The following CDH18 variants were observed in gnomAD, a reference collection of about 807,000 sequenced individuals.
The protein encoded by CDH18 is cadherin-18.
CDH18 carries 31 observed loss-of-function variants against 67.9 expected under a neutral mutation model. The ratio of observed to expected loss-of-function variants is 0.46; its 90% CI spans 0.34 to 0.62. The LOEUF is 0.62. Ranked by LOEUF, CDH18 falls within the 20% of genes least tolerant of loss-of-function variation. The pLI is 0.01. For synonymous variants in CDH18, 362 were observed against 347.2 expected (o/e 1.04, Z -0.48); for missense variants, 890 against 975.5 (o/e 0.91, Z 1.17).
chr5:19,778,743 T>C (rs1448938418), intron 3 of CDH18, among the ~76,000 whole-genome samples: 2 of 152,018 alleles, frequency 1.3e-5, no homozygotes, highest in Non-Finnish European at 1.5e-5. Flanking sequence ...CACAAAACCA[T>C]AATAAAAAAA....
Position 19,580,398 on chromosome 5 carries a change from A to G in CDH18, c.1000-8566T>C, listed in dbSNP as rs1248756494. On this transcript the variant is annotated intron_variant, in intron 7 of 12. Transcript: ENST00000382275. ...ACATCTTGTATTATAACAATATATC[A>G]TGTCTACCCAGTTTTCCCTAAGAGA... Among the ~76,000 whole-genome samples the G allele has an allele frequency of 5.3e-5, 8 of 151,968 alleles. No homozygotes were observed. In the South Asian group the frequency reaches 1.7e-3, roughly 31 times the overall value.
intron 4 of CDH18, among the ~76,000 whole-genome samples, chr5:19,738,224 T>C (rs2150681537): frequency 6.6e-6 from 1 of 152,252 alleles, no homozygotes; most frequent in African/African-American, 2.4e-5. Context: ...TCAGGTGATT[T>C]CAAACTAATT....
intron 2 of CDH18, among the ~76,000 whole-genome samples, chr5:19,965,364 A>C (rs1281371903): frequency 6.6e-6 from 1 of 152,156 alleles, no homozygotes; most frequent in Non-Finnish European, 1.5e-5. Flanking sequence ...GATTTTCTCC[A>C]CAATTCTGAC....
At chr5:20,303,513 A>G (rs2149972422) in intron 1 of CDH18, among the ~76,000 whole-genome samples, 1 of 152,324 alleles carries the variant, frequency 6.6e-6, no homozygotes, top group Admixed American at 6.5e-5. Context: ...TAGTACTCAC[A>G]TTTTAGCTTC....
chr5:20,254,869 C>A (rs777035674), intron 2 of CDH18, among the ~76,000 whole-genome samples: 16 of 147,662 alleles, frequency 1.1e-4, no homozygotes, highest in Non-Finnish European at 2.0e-4. Flanking sequence ...AGCCTAGGTG[C>A]CCATTAATGA....
chr5:19,948,984 T>C (rs948546232), intron 2 of CDH18, among the ~76,000 whole-genome samples: 3 of 152,144 alleles, frequency 2.0e-5, no homozygotes. Context: ...CTCTAAACAA[T>C]AGATCAACTT....
intron 2 of CDH18, among the ~76,000 whole-genome samples, chr5:19,877,822 C>T (rs116251237): frequency 3.1e-3 from 474 of 152,232 alleles, no homozygotes; most frequent in African/African-American, 0.011. Flanking sequence ...CTACCTACTT[C>T]ACTTAAGATC....
chr5:19,889,816 C>G (rs72740863), intron 2 of CDH18, among the ~76,000 whole-genome samples: 4,931 of 152,212 alleles, frequency 0.032, 118 homozygotes, highest in Non-Finnish European at 0.051. Context: ...AATGCATTAT[C>G]TAATAACAAT....
At chr5:19,866,547 T>C (rs1219816643) in intron 2 of CDH18, among the ~76,000 whole-genome samples, 2 of 152,154 alleles carry the variant, frequency 1.3e-5, no homozygotes, top group Admixed American at 1.3e-4. Flanking sequence ...CGAACCTATC[T>C]GGTACGAAGT....
At chr5:19,925,774 C>T (rs11951930) in intron 2 of CDH18, among the ~76,000 whole-genome samples, 109,191 of 152,090 alleles carry the variant, frequency 0.72, 45,625 homozygotes, top group Non-Finnish European at 0.93. Context: ...TGGATACTCA[C>T]GACAATTGAG....
At chr5:20,008,430 T>A (rs1461597802) in intron 2 of CDH18, among the ~76,000 whole-genome samples, 1 of 152,168 alleles carries the variant, frequency 6.6e-6, no homozygotes, top group South Asian at 2.1e-4. Context: ...TGAAAAATTA[T>A]GAGAGCTGGT....
At chr5:20,444,652 A>C (rs1454930527) in intron 1 of CDH18, among the ~76,000 whole-genome samples, 2 of 152,246 alleles carry the variant, frequency 1.3e-5, no homozygotes, top group African/African-American at 4.8e-5. Flanking sequence ...ACTGAGGGAA[A>C]GTATGGAATC....
At chr5:20,432,887 A>T (rs1006052681) in intron 1 of CDH18, among the ~76,000 whole-genome samples, 12 of 149,818 alleles carry the variant, frequency 8.0e-5, no homozygotes, top group South Asian at 6.2e-4. Flanking sequence ...TGTAAAAATT[A>T]AAAAAAATTA....
intron 12 of CDH18, among the ~76,000 whole-genome samples, chr5:19,481,241 G>A (rs1205251793): frequency 6.6e-6 from 1 of 151,992 alleles, no homozygotes; most frequent in Non-Finnish European, 1.5e-5. Context: ...CTCTTGCTGG[G>A]CAACTTGAAT....
chr5:20,060,534 C>G (rs898189928), intron 2 of CDH18, among the ~76,000 whole-genome samples: 2 of 151,982 alleles, frequency 1.3e-5, no homozygotes. Flanking sequence ...TTTAGTTACA[C>G]AAATCTACTT....
intron 1 of CDH18, among the ~76,000 whole-genome samples, chr5:20,318,383 G>T (rs990988508): frequency 5.9e-5 from 9 of 152,094 alleles, no homozygotes; most frequent in Admixed American, 5.9e-4. Flanking sequence ...CCTCTCTAAA[G>T]TGCCCGGTGT....
At chr5:19,583,478 T>C (rs1315864013) in intron 7 of CDH18, among the ~76,000 whole-genome samples, 1 of 152,144 alleles carries the variant, frequency 6.6e-6, no homozygotes, top group South Asian at 2.1e-4. Flanking sequence ...AGTATATACA[T>C]TGTGTTGTAA....
chr5:20,327,805 A>C (rs920429200), intron 1 of CDH18, among the ~76,000 whole-genome samples: 5 of 152,084 alleles, frequency 3.3e-5, no homozygotes, highest in African/African-American at 1.2e-4. Context: ...TGGGAGGGCA[A>C]GGTGGGAGGA....
intron 3 of CDH18, among the ~76,000 whole-genome samples, chr5:19,830,038 C>A (rs1396863250): frequency 6.6e-6 from 1 of 152,092 alleles, no homozygotes; most frequent in Non-Finnish European, 1.5e-5. Context: ...CAACAATGAA[C>A]TTAAAATGAA....
Sources: allele counts gnomAD v4.1 joint callset (sites outside exome capture counted in the v4.1 genomes callset), GRCh38; gene constraint gnomAD v4.1.1; transcripts MANE v1.5; gene names NCBI Gene and HGNC (gene_info 2026-07-23, HGNC 2026-07-21).